Variants in LGI2 observed in about 807,000 individuals in gnomAD.
LGI2 encodes the protein leucine rich repeat LGI family member 2.
LGI2 carries 30 observed loss-of-function variants against 52.0 expected under a neutral mutation model. That is an observed-to-expected ratio of 0.58 (90% confidence interval 0.43 to 0.78). The LOEUF (loss-of-function observed/expected upper bound fraction) is 0.78. Among genes scored for constraint, LGI2 ranks in the 30% least tolerant of loss-of-function variants. The pLI is 0.00. For missense variants in LGI2, 573 were observed against 692.5 expected (o/e 0.83, Z 1.94); for synonymous variants, 270 against 271.8 (o/e 0.99, Z 0.06).
At chr4:25,022,700 C>T (rs979286295) in intron 4 of LGI2, among the ~76,000 whole-genome samples, 2 of 152,106 alleles carry the variant, frequency 1.3e-5, no homozygotes, top group Non-Finnish European at 2.9e-5. Context: ...TCCATGCACC[C>T]GAGGACACTT....
downstream of LGI2, among the ~76,000 whole-genome samples, chr4:24,998,111 A>T (rs1179212749): frequency 6.6e-6 from 1 of 152,164 alleles, no homozygotes; most frequent in African/African-American, 2.4e-5. Flanking sequence ...CCTGGGCTCA[A>T]GTGATCCTCC....
At position 24,998,854 on chromosome 4, in the gene LGI2, T is replaced by G. The variant is rs1011829806; in HGVS notation, c.*4597A>C. On this transcript the variant is annotated 3_prime_UTR_variant, in exon 8 of 8. Coordinates refer to ENST00000382114, the MANE Select transcript of LGI2 (RefSeq NM_018176.4). The stretch of plus-strand genomic sequence containing the variant: ...CCAGAGATCAAAACCATATTAGGCA[T>G]GAACCACTTTTTATTCATAGGCTTA... 1 of 152,302 alleles carries G rather than the reference T, an allele frequency of 6.6e-6. No individual in the cohort carries two copies. The allele number at this position is 152,302 out of a possible 1,614,324, so 9.4% of individuals were successfully genotyped here. A position where few individuals can be genotyped will look rare whatever the true frequency, so the allele number is the denominator to read the frequency against.
chr4:25,021,073 T>C (rs1272720721), intron 4 of LGI2, among the ~76,000 whole-genome samples: 2 of 151,576 alleles, frequency 1.3e-5, no homozygotes, highest in African/African-American at 2.4e-5. Context: ...AGTTACTGTA[T>C]TGATATGATA....
intron 5 of LGI2, among the ~76,000 whole-genome samples, 156 bp downstream of exon 5, chr4:25,019,011 A>T (rs186805484): frequency 6.6e-6 from 1 of 152,322 alleles, no homozygotes; most frequent in Non-Finnish European, 1.5e-5. Context: ...CCAACACAAT[A>T]CAAACTGTAT....
chr4:25,002,236 G>A lies in LGI2; in HGVS notation c.*1215C>T, dbSNP rs750932197. Reference sequence around the variant, plus strand: ...CCACTGCCAACACGTGGCCCCATGTGGGTCCTGGCGGGGGTTCCTTTGGTA... The same window carrying A: ...CCACTGCCAACACGTGGCCCCATGTAGGTCCTGGCGGGGGTTCCTTTGGTA... On this transcript the variant is annotated 3_prime_UTR_variant, in exon 8 of 8. Coordinates refer to ENST00000382114, the MANE Select transcript of LGI2 (RefSeq NM_018176.4). 3 of 147,510 alleles carry A rather than the reference G, an allele frequency of 2.0e-5. No individual in the cohort carries two copies. Among genetic ancestry groups the A allele is most frequent in the Non-Finnish European group, 4.4e-5 (3 of 67,870 alleles). 9.1% of individuals were successfully genotyped at this position (147,510 alleles called of 1,614,324 possible). A position where few individuals can be genotyped will look rare whatever the true frequency, so the allele number is the denominator to read the frequency against.
intron 4 of LGI2, among the ~76,000 whole-genome samples, chr4:25,024,279 C>T (rs539950034): frequency 6.6e-6 from 1 of 152,204 alleles, no homozygotes; most frequent in African/African-American, 2.4e-5. Context: ...TTTGGGAGGC[C>T]GAGGCAGGTG....
At chr4:25,006,144 T>C (rs1436545314) in intron 7 of LGI2, among the ~76,000 whole-genome samples, 1 of 152,176 alleles carries the variant, frequency 6.6e-6, no homozygotes, top group African/African-American at 2.4e-5. Context: ...GGAGCAATAG[T>C]CTGAATGATC....
intron 6 of LGI2, 73 bp from the exon 7 acceptor site, chr4:25,012,572 C>A: frequency 6.7e-7 from 1 of 1,488,102 alleles, no homozygotes; most frequent in Non-Finnish European, 9.3e-7. Flanking sequence ...CATCACCGTT[C>A]CATCATCACA....
At chr4:25,029,463 T>C (rs1231636315) in intron 1 of LGI2, among the ~76,000 whole-genome samples, 1 of 152,184 alleles carries the variant, frequency 6.6e-6, no homozygotes, top group Non-Finnish European at 1.5e-5. Flanking sequence ...AGAAAGTATC[T>C]TGAGCACAAG....
chr4:25,018,492 G>A (rs2109418470), intron 5 of LGI2, among the ~76,000 whole-genome samples: 1 of 152,292 alleles, frequency 6.6e-6, no homozygotes, highest in East Asian at 1.9e-4. Flanking sequence ...CCCAACAGAG[G>A]TTCTCATAAA....
downstream of LGI2, among the ~76,000 whole-genome samples, chr4:24,995,262 C>T (rs1053799432): frequency 6.6e-6 from 1 of 152,214 alleles, no homozygotes; most frequent in Non-Finnish European, 1.5e-5. Flanking sequence ...CATTTGGCAG[C>T]AACCTCATTC....
At position 25,004,782 on chromosome 4, in the gene LGI2, C is replaced by T. The variant is rs1486539055; in HGVS notation, c.821-514G>A. Among the ~76,000 whole-genome samples, 1 of 152,316 alleles carries T rather than the reference C, an allele frequency of 6.6e-6. No homozygotes were observed. The highest frequency in any genetic ancestry group is 1.5e-5 in the Non-Finnish European group (1 of 68,030). On this transcript the variant is annotated intron_variant, in intron 7 of 7. Coordinates refer to ENST00000382114, the MANE Select transcript of LGI2 (RefSeq NM_018176.4). This position sits in a 1 kb window ranked among gnomAD's most constrained non-coding sequence, Gnocchi z 4.6. The stretch of plus-strand genomic sequence containing the variant: ...GCCCAGAACTATGAGAAATAAATTT[C>T]TGTTGCTTATAAGCCACTCAGTCTA...
At chr4:25,012,647 G>GCCTAATTTAGGGATCCATT in intron 6 of LGI2, 148 bp from the exon 7 acceptor site, 1 of 777,066 alleles carries the variant, frequency 1.3e-6, no homozygotes. Context: ...ACATCACAGC[G>GCCTAATTTAGGGATCCATT]TATTTTACTC....
chr4:25,026,916 G>A lies in LGI2; in HGVS notation c.293C>T (p.Thr98Met), dbSNP rs144314653. 1.1e-5 allele frequency: 17 copies of A among 1,613,210 alleles called. No homozygotes were observed. The highest frequency in any genetic ancestry group is 1.6e-4 in the Middle Eastern group (1 of 6,082). Reference sequence around the variant, plus strand: ...AGCAAAAGCATCATCCCGGATGATCGTGAATGAGTTAGAATTCAGCAATCT... The same window carrying A: ...AGCAAAAGCATCATCCCGGATGATCATGAATGAGTTAGAATTCAGCAATCT... ...QLLLLNSNSFTIIRDDAFAGL... is the reference protein window; with the variant it reads ...QLLLLNSNSFMIIRDDAFAGL... The change falls in exon 3 of 8, where the codon ACG (threonine) becomes ATG (methionine). Residue 98 changes from threonine (T) to methionine (M), a missense_variant. Transcript: ENST00000382114.
chr4:25,020,170 G>A (rs142438489), intron 4 of LGI2, among the ~76,000 whole-genome samples: 3 of 152,298 alleles, frequency 2.0e-5, no homozygotes, highest in African/African-American at 4.8e-5. Context: ...AATCTCAACC[G>A]ATCAGAATGT....
intron 2 of LGI2, 144 bp downstream of exon 2, chr4:25,028,363 G>T: frequency 3.0e-6 from 2 of 671,952 alleles, no homozygotes; most frequent in South Asian, 3.6e-5. Flanking sequence ...ACATCACAGG[G>T]TAAATTAACA....
intron 3 of LGI2, among the ~76,000 whole-genome samples, chr4:25,025,229 C>T (rs1260214941): frequency 2.0e-5 from 3 of 152,222 alleles, no homozygotes; most frequent in Non-Finnish European, 4.4e-5. Flanking sequence ...GACTGGAGCA[C>T]TTCCAGACAT....
chr4:25,019,291 T>C (rs1196744743), intron 4 of LGI2, 53 bp from the exon 5 acceptor site: 2 of 1,168,374 alleles, frequency 1.7e-6, no homozygotes, highest in African/African-American at 3.1e-5. Flanking sequence ...GCCCTGTCAC[T>C]CTCAACTCCC....
At chr4:25,022,704 G>A (rs1216844874) in intron 4 of LGI2, among the ~76,000 whole-genome samples, 1 of 152,136 alleles carries the variant, frequency 6.6e-6, no homozygotes, top group Non-Finnish European at 1.5e-5. Context: ...TGCACCCGAG[G>A]ACACTTTGTA....
Sources: gnomAD v4.1 joint callset for allele counts (sites outside exome capture counted in the v4.1 genomes callset) on GRCh38, gnomAD v4.1.1 for gene constraint, Gnocchi (gnomAD v3.1) non-coding constraint, MANE v1.5 for transcripts, NCBI Gene and HGNC (gene_info 2026-07-23, HGNC 2026-07-21) for gene names.